Variants in IL36G observed in about 807,000 individuals in gnomAD.
The protein encoded by IL36G is interleukin 36 gamma.
In IL36G, 10 loss-of-function variants were observed where a neutral mutation model predicts 13.5. The observed-to-expected ratio is 0.74, with a 90% CI of 0.46 to 1.26. The LOEUF is 1.26. Ranked by LOEUF, IL36G falls within the 50% of genes most tolerant of loss-of-function variation. The pLI is 0.00. For synonymous variants in IL36G, 84 were observed against 74.0 expected, an observed-to-expected ratio of 1.13 and a Z score of -0.69; for missense variants, 199 against 203.0, an observed-to-expected ratio of 0.98 and a Z score of 0.12.
chr2:112,979,164 T>A lies in IL36G; in HGVS notation c.56-57T>A, dbSNP rs921618514. ...GGGTTAGATACTTTTCTCCTGGGTC[T>A]AGTAAAGCAGCCTTGATTATAATAT... On this transcript the variant is annotated intron_variant, in intron 2 of 4. Coordinates refer to ENST00000259205, the MANE Select transcript of IL36G (RefSeq NM_019618.4). 8 of 1,149,002 alleles carry A rather than the reference T, an allele frequency of 7.0e-6. No individual in the cohort carries two copies. The African/African-American group carries it at 1.2e-4, about 17-fold the overall frequency. 71.2% of individuals were successfully genotyped at this position (1,149,002 alleles called of 1,614,324 possible).
Position 112,985,382 on chromosome 2 carries a change from C to G in IL36G, c.*333C>G. ...GGGTGGGTATGAAGATGCTTCAGAGCTCATGCGCGTTACCCACGATGGCAT... is the reference window on the plus strand; with the variant it reads ...GGGTGGGTATGAAGATGCTTCAGAGGTCATGCGCGTTACCCACGATGGCAT... On this transcript the variant is annotated 3_prime_UTR_variant, in exon 5 of 5. Coordinates refer to ENST00000259205, the MANE Select transcript of IL36G (RefSeq NM_019618.4). 3.5e-6 allele frequency: 1 copy of G among 286,378 alleles called. No individual in the cohort carries two copies. The highest frequency in any genetic ancestry group is 4.8e-5 in the South Asian group (1 of 20,920). The allele number at this position is 286,378 out of a possible 1,614,324, so 17.7% of individuals were successfully genotyped here.
intron 2 of IL36G, 80 bp downstream of exon 2, chr2:112,978,773 C>T: frequency 7.4e-7 from 1 of 1,357,886 alleles, no homozygotes; most frequent in Non-Finnish European, 1.1e-6. Flanking sequence ...AAGCCCCAGC[C>T]TTCTCTGCTC....
At chr2:112,980,179 C>T (rs1684239132) in intron 4 of IL36G, 31 bp downstream of exon 4, 1 of 1,598,094 alleles carries the variant, frequency 6.3e-7, no homozygotes, top group Non-Finnish European at 8.5e-7. Flanking sequence ...TTTAAAAAGC[C>T]TTTCCTTTTA....
chr2:112,981,694 AT>A (rs1418618075), intron 4 of IL36G, among the ~76,000 whole-genome samples: 1 of 151,936 alleles, frequency 6.6e-6, no homozygotes, highest in East Asian at 1.9e-4. Context: ...TATACTTTCT[AT>A]CCCTTCATTG....
intron 4 of IL36G, among the ~76,000 whole-genome samples, chr2:112,980,760 A>G (rs1558817722): frequency 6.6e-6 from 1 of 152,258 alleles, no homozygotes; most frequent in Non-Finnish European, 1.5e-5. Context: ...ATTGAGGGCC[A>G]GGTCCCAACA....
In IL36G at chr2:112,979,273, C is replaced by T. The variant is rs148181448; in HGVS notation, c.108C>T (p.Thr36=). The T allele has an allele frequency of 1.2e-4, 193 of 1,613,470 alleles. 2 individuals are homozygous for T. Among genetic ancestry groups the T allele is most frequent in the Middle Eastern group, 1.6e-4 (1 of 6,082 alleles). Residue 36 remains threonine, a synonymous_variant, in exon 3 of 5, where the codon ACC becomes ACT. Coordinates refer to ENST00000259205, the MANE Select transcript of IL36G (RefSeq NM_019618.4). ...ATGATTTGAATCAGCAAGTGTGGAC[C>T]CTTCAGGGTCAGAACCTTGTGGCAG... ...TINDLNQQVW[T]LQGQNLVAVP... is the part of the protein sequence containing the mutation.
chr2:112,984,925 C>T lies in IL36G; in HGVS notation c.386C>T (p.Thr129Ile), dbSNP rs1684326293. ...CGTGCCAAGACTGGTAGGACCTCCA[C>T]CCTTGAGTCTGTGGCCTTCCCGGAC... ...FYRAKTGRTS[T>I]LESVAFPDWF... Residue 129 changes from threonine to isoleucine, a missense_variant, in exon 5 of 5, where the codon ACC becomes ATC. Thr to Ile is a moderately conservative substitution (Grantham distance 89). Transcript: ENST00000259205. 5.6e-6 allele frequency: 9 copies of T among 1,614,106 alleles called. No individual in the cohort carries two copies. The East Asian group carries it at 1.8e-4, about 32-fold the overall frequency.
At chr2:112,982,251 C>T (rs891588386) in intron 4 of IL36G, among the ~76,000 whole-genome samples, 7 of 152,116 alleles carry the variant, frequency 4.6e-5, no homozygotes, top group African/African-American at 1.7e-4. Context: ...GAGATGTTAG[C>T]AGGGAGTAGA....
chr2:112,984,560 A>C (rs908406431), intron 4 of IL36G, among the ~76,000 whole-genome samples: 3 of 152,116 alleles, frequency 2.0e-5, no homozygotes, highest in Non-Finnish European at 4.4e-5. Context: ...TTGTGTGAGA[A>C]GAGTTCTAAC....
At chr2:112,984,817 G>A in intron 4 of IL36G, 23 bp from the exon 5 acceptor site, 1 of 1,581,460 alleles carries the variant, frequency 6.3e-7, no homozygotes, top group Non-Finnish European at 8.7e-7. Flanking sequence ...TTCTCCTAAT[G>A]GGTACTTGTT....
At chr2:112,982,191 C>G (rs367814771) in intron 4 of IL36G, among the ~76,000 whole-genome samples, 1 of 152,164 alleles carries the variant, frequency 6.6e-6, no homozygotes, top group Non-Finnish European at 1.5e-5. Context: ...GGAACACAGG[C>G]GGCGTCAGGC....
Position 112,984,957 on chromosome 2 carries a change from A to C in IL36G, c.418A>C (p.Ile140Leu). ...GTCTGTGGCCTTCCCGGACTGGTTC[A>C]TTGCCTCCTCCAAGAGAGACCAGCC... The part of the protein sequence containing the change: ...LESVAFPDWF[I>L]ASSKRDQPII... The change falls in exon 5 of 5, where the codon ATT becomes CTT. Residue 140 changes from isoleucine (I) to leucine (L), a missense_variant. Ile to Leu is a conservative substitution (Grantham distance 5, BLOSUM62 2). Coordinates refer to ENST00000259205, the MANE Select transcript of IL36G (RefSeq NM_019618.4). 1 of 1,614,086 alleles carries C rather than the reference A, an allele frequency of 6.2e-7. No homozygotes were observed. The highest frequency in any genetic ancestry group is 8.5e-7 in the Non-Finnish European group (1 of 1,180,004).
At chr2:112,983,912 C>T (rs114407772) in intron 4 of IL36G, among the ~76,000 whole-genome samples, 367 of 152,188 alleles carry the variant, frequency 2.4e-3, no homozygotes, top group African/African-American at 8.4e-3. Flanking sequence ...GAGTGATGGC[C>T]TGGATTGGGG....
Position 112,985,134 on chromosome 2 carries a change from TTTC to T in IL36G, c.*86_*88del. ...TTCGTCTACATTTTCTTAGTGTCAT[TTTC>T]ACGCTGGTGCTGAGACAGGGGCAAG... On this transcript the variant is annotated 3_prime_UTR_variant, in exon 5 of 5. Transcript: ENST00000259205. 1 of 928,954 alleles carries T rather than the reference TTTC, an allele frequency of 1.1e-6. No individual in the cohort carries two copies. Among genetic ancestry groups the T allele is most frequent in the South Asian group, 1.6e-5 (1 of 63,334 alleles). The allele number at this position is 928,954 out of a possible 1,614,324, so 57.5% of individuals were successfully genotyped here. A position where few individuals can be genotyped will look rare whatever the true frequency, so the allele number is the denominator to read the frequency against.
chr2:112,981,372 G>A, intron 4 of IL36G: 4 of 745,872 alleles, frequency 5.4e-6, no homozygotes, highest in Non-Finnish European at 7.4e-6. Flanking sequence ...GGCCTTCTCT[G>A]TGGTTCGTCC....
At chr2:112,981,305 G>C (rs1467436157) in intron 4 of IL36G, 6 of 1,028,922 alleles carry the variant, frequency 5.8e-6, no homozygotes, top group Non-Finnish European at 9.1e-6. Flanking sequence ...CTTTGCAGGG[G>C]CATTTTTAGG....
intron 4 of IL36G, among the ~76,000 whole-genome samples, chr2:112,983,598 G>A (rs2105013923): frequency 6.6e-6 from 1 of 152,114 alleles, no homozygotes; most frequent in African/African-American, 2.4e-5. Context: ...GACCTTGGGT[G>A]GGAACAGCTT....
In IL36G at chr2:112,978,027, T is replaced by A. The variant is rs1684194292; in HGVS notation, c.-71T>A. On this transcript the variant is annotated 5_prime_UTR_variant, in exon 1 of 5. Transcript: ENST00000259205. Reference sequence around the variant, plus strand: ...ACCCATCACTGACCTTGGAAGCTGCTGGAGCCACGATTCAGTCCCCTGGAC... The same window carrying A: ...ACCCATCACTGACCTTGGAAGCTGCAGGAGCCACGATTCAGTCCCCTGGAC... The A allele has an allele frequency of 6.5e-6, 1 of 152,894 alleles. No homozygotes were observed. Among genetic ancestry groups the A allele is most frequent in the Non-Finnish European group, 1.5e-5 (1 of 68,600 alleles). The allele number at this position is 152,894 out of a possible 1,614,324, so 9.5% of individuals were successfully genotyped here.
At position 112,982,250 on chromosome 2, in the gene IL36G, G is replaced by A. The variant is rs553907778; in HGVS notation, c.300+2102G>A. Among the ~76,000 whole-genome samples, 17 of 152,318 alleles carry A rather than the reference G, an allele frequency of 1.1e-4. No individual in the cohort carries two copies. The South Asian group carries it at 3.3e-3, about 30-fold the overall frequency. The stretch of plus-strand genomic sequence containing the variant: ...GCATCATTGCCTAGGTGAGATGTTA[G>A]CAGGGAGTAGAAAGAGCTAGGGAAG... On this transcript the variant is annotated intron_variant, in intron 4 of 4. Transcript: ENST00000259205.
Sources: gnomAD v4.1 joint callset for allele counts (sites outside exome capture counted in the v4.1 genomes callset) on GRCh38, gnomAD v4.1.1 for gene constraint, MANE v1.5 for transcripts, NCBI Gene and HGNC (gene_info 2026-07-23, HGNC 2026-07-21) for gene names.